The following MAGI2 variants were observed in gnomAD, a reference collection of about 807,000 sequenced individuals.
The protein encoded by MAGI2 is membrane associated guanylate kinase, WW and PDZ domain containing 2, also known as membrane-associated guanylate kinase, WW and PDZ domain-containing protein 2.
MAGI2 carries 35 observed loss-of-function variants against 133.3 expected under a neutral mutation model. The ratio of observed to expected loss-of-function variants is 0.26; its 90% CI spans 0.20 to 0.35. The LOEUF is 0.35. MAGI2 is among the 10% of genes least tolerant of loss of function. MAGI2 has a pLI of 1.00. For missense variants in MAGI2, 1,636 were observed against 1,863.4 expected (o/e 0.88, Z 2.25); for synonymous variants, 729 against 710.6 (o/e 1.03, Z -0.41).
chr7:78,324,880 C>T (rs528491435), intron 9 of MAGI2, among the ~76,000 whole-genome samples: 19 of 152,212 alleles, frequency 1.2e-4, no homozygotes, highest in South Asian at 1.2e-3. Context: ...GCAGGAGAAT[C>T]GCTTGAACCC....
intron 6 of MAGI2, among the ~76,000 whole-genome samples, chr7:78,448,215 G>A (rs1371774115): frequency 6.6e-6 from 1 of 151,974 alleles, no homozygotes; most frequent in African/African-American, 2.4e-5. Flanking sequence ...CTTACCTACT[G>A]TGAAGAGTGC....
At chr7:78,544,182 G>A (rs1373940025) in intron 3 of MAGI2, among the ~76,000 whole-genome samples, 2 of 152,190 alleles carry the variant, frequency 1.3e-5, no homozygotes, top group Admixed American at 6.5e-5. Flanking sequence ...GCTTAAACTG[G>A]TAGTGACTAC....
chr7:79,259,883 T>C (rs1833954859), intron 1 of MAGI2, among the ~76,000 whole-genome samples: 1 of 152,218 alleles, frequency 6.6e-6, no homozygotes, highest in Admixed American at 6.5e-5. Context: ...TTTTGTAGTT[T>C]AAAGAATTTC....
At chr7:78,911,581 T>A (rs748379824) in intron 2 of MAGI2, among the ~76,000 whole-genome samples, 1 of 152,138 alleles carries the variant, frequency 6.6e-6, no homozygotes, top group Non-Finnish European at 1.5e-5. Flanking sequence ...CAGAATTAAG[T>A]TACCCAGCCT....
chr7:78,766,882 CTT>C (rs1292870224), intron 2 of MAGI2, among the ~76,000 whole-genome samples: 1 of 152,248 alleles, frequency 6.6e-6, no homozygotes, highest in East Asian at 1.9e-4. Flanking sequence ...CTACTGTTGA[CTT>C]TGTGTATTTT....
intron 18 of MAGI2, among the ~76,000 whole-genome samples, chr7:78,127,991 C>T (rs1368307887): frequency 6.6e-6 from 1 of 152,186 alleles, no homozygotes; most frequent in East Asian, 1.9e-4. Context: ...AAAATATAAT[C>T]ACCAACTACA....
At chr7:78,124,788 T>C (rs1820807106) in intron 20 of MAGI2, among the ~76,000 whole-genome samples, 1 of 152,030 alleles carries the variant, frequency 6.6e-6, no homozygotes, top group South Asian at 2.1e-4. Context: ...TACCCATCAA[T>C]CAGATGCCTC....
At chr7:78,365,289 C>T (rs2191324) in intron 7 of MAGI2, among the ~76,000 whole-genome samples, 87,234 of 151,854 alleles carry the variant, frequency 0.57, 25,539 homozygotes, top group Middle Eastern at 0.67. Context: ...TAGAACGGTA[C>T]GACAGGGAGG....
chr7:78,506,574 C>A lies in MAGI2; in HGVS notation c.755-4787G>T, dbSNP rs533399473. 4.6e-5 allele frequency among the ~76,000 whole-genome samples: 7 copies of A among 152,190 alleles called. No homozygotes were observed. The East Asian group carries it at 1.4e-3, about 29-fold the overall frequency. On this transcript the variant is annotated intron_variant, in intron 4 of 21. Coordinates refer to ENST00000354212, the MANE Select transcript of MAGI2 (RefSeq NM_012301.4). ...GAAGAGGAAAGGGCAGCCATGGAAG[C>A]AATGAGAAAATTAAAAAAACTTCAT...
chr7:78,623,324 CATTAT>C (rs3051441), intron 3 of MAGI2, among the ~76,000 whole-genome samples: 89,527 of 151,086 alleles, frequency 0.59, 27,111 homozygotes, highest in Middle Eastern at 0.72. Context: ...AAGCATAATA[CATTAT>C]ATTAAAATGT....
chr7:78,206,290 C>CTTTTTTT lies in MAGI2; in HGVS notation c.2048-5098_2048-5097insAAAAAAA, dbSNP rs774941321. Among the ~76,000 whole-genome samples, 3 of 111,250 alleles carry CTTTTTTT rather than the reference C, an allele frequency of 2.7e-5. 1 individual carries two copies. The highest frequency in any genetic ancestry group is 5.7e-5 in the Non-Finnish European group (3 of 52,280). 73.0% of individuals were successfully genotyped at this position (111,250 alleles called of 152,430 possible). A position where few individuals can be genotyped will look rare whatever the true frequency, so the allele number is the denominator to read the frequency against. On this transcript the variant is annotated intron_variant, in intron 10 of 21. Transcript: ENST00000354212. Reference sequence around the variant, plus strand: ...AAGACAACTTTTCTTTTTCCTTTTCCTTTCTTTTTTTTTTTTTTTGAGATG... The same window carrying CTTTTTTT: ...AAGACAACTTTTCTTTTTCCTTTTCCTTTTTTTTTTCTTTTTTTTTTTTTTTGAGATG...
chr7:78,778,175 C>T (rs1289173580), intron 2 of MAGI2, among the ~76,000 whole-genome samples: 1 of 152,106 alleles, frequency 6.6e-6, no homozygotes, highest in East Asian at 1.9e-4. Context: ...CCTTGTGAAC[C>T]CAAGCACATG....
chr7:79,166,891 CA>C (rs1824976756), intron 1 of MAGI2, among the ~76,000 whole-genome samples: 2 of 151,920 alleles, frequency 1.3e-5, no homozygotes, highest in Admixed American at 1.3e-4. Flanking sequence ...GAAATCAGTA[CA>C]TGAGACCTAG....
intron 2 of MAGI2, among the ~76,000 whole-genome samples, chr7:78,983,478 A>G (rs1804965359): frequency 6.6e-6 from 1 of 151,946 alleles, no homozygotes; most frequent in East Asian, 1.9e-4. Context: ...ATATTACAAT[A>G]GTACTTTTTC....
chr7:78,078,420 A>G (rs1011902370), intron 21 of MAGI2: 1 of 160,370 alleles, frequency 6.2e-6, no homozygotes, highest in African/African-American at 2.4e-5. Context: ...CACAGGAGTG[A>G]ATTTTCAGAA....
At chr7:78,576,620 C>G (rs1302749845) in intron 3 of MAGI2, among the ~76,000 whole-genome samples, 1 of 150,814 alleles carries the variant, frequency 6.6e-6, no homozygotes, top group Non-Finnish European at 1.5e-5. Flanking sequence ...CACATAGACA[C>G]CAAGGAAAAT....
intron 1 of MAGI2, among the ~76,000 whole-genome samples, chr7:79,272,383 C>T (rs755365205): frequency 9.2e-5 from 14 of 152,136 alleles, no homozygotes; most frequent in South Asian, 8.3e-4. Context: ...CTTCAGCTTG[C>T]GAAATTCAGT....
rs1343911776 is a variant in MAGI2, at chr7:78,135,215, A to C, written c.2846-9T>G. 6.2e-7 allele frequency: 1 copy of C among 1,612,764 alleles called. No homozygotes were observed. Among genetic ancestry groups the C allele is most frequent in the Non-Finnish European group, 8.5e-7 (1 of 1,178,958 alleles). ...GATTTTATGGGGCACAGCTAAAAAA[A>C]CCCCAACAGAAATAGGTATCAGGGA... On this transcript the variant is annotated splice_polypyrimidine_tract_variant and intron_variant, in intron 16 of 21. Coordinates refer to ENST00000354212, the MANE Select transcript of MAGI2 (RefSeq NM_012301.4).
At chr7:78,855,815 T>C (rs879170257) in intron 2 of MAGI2, among the ~76,000 whole-genome samples, 1 of 152,198 alleles carries the variant, frequency 6.6e-6, no homozygotes, top group Admixed American at 6.5e-5. Flanking sequence ...TTCTAGATCC[T>C]TGAGGAATCG....
Sources: allele counts gnomAD v4.1 joint callset (sites outside exome capture counted in the v4.1 genomes callset), GRCh38; gene constraint gnomAD v4.1.1; transcripts MANE v1.5; gene names NCBI Gene and HGNC (gene_info 2026-07-23, HGNC 2026-07-21).